The following NIN variants were observed in gnomAD, a reference collection of about 807,000 sequenced individuals.
NIN encodes the protein ninein, also known as glycogen synthase kinase 3 beta-interacting protein.
In NIN, 137 loss-of-function variants were observed where a neutral mutation model predicts 257.6. The ratio of observed to expected loss-of-function variants is 0.53; its 90% CI spans 0.46 to 0.61. The LOEUF (loss-of-function observed/expected upper bound fraction) is 0.61, where lower values mean the gene tolerates loss of function less well. Ranked by LOEUF, NIN falls within the 20% of genes least tolerant of loss-of-function variation. The probability of loss-of-function intolerance (pLI) is 0.00; values close to 1 mark genes in which losing one functional copy is unlikely to be tolerated. For missense variants in NIN, 2,439 were observed against 2,501.2 expected, an observed-to-expected ratio of 0.98 and a Z score of 0.53; for synonymous variants, 918 against 919.8, an observed-to-expected ratio of 1.00 and a Z score of 0.04.
rs2040294102 is a variant in NIN, at chr14:50,722,698, A to G, written c.*765T>C. 1 of 216,812 alleles carries G rather than the reference A, an allele frequency of 4.6e-6. No individual in the cohort carries two copies. Among genetic ancestry groups the G allele is most frequent in the African/African-American group, 2.2e-5 (1 of 44,488 alleles). The allele number at this position is 216,812 out of a possible 1,614,324, so 13.4% of individuals were successfully genotyped here. On this transcript the variant is annotated 3_prime_UTR_variant, in exon 31 of 31. Coordinates refer to ENST00000530997, the MANE Select transcript of NIN (RefSeq NM_020921.4). ...GTGGTTTGTTCAGTGCTTTCCCTAT[A>G]GTTCAACTGCTTTAATTATGTGGCT...
At chr14:50,792,633 A>T in intron 5 of NIN, 79 bp downstream of exon 5, 1 of 1,513,798 alleles carries the variant, frequency 6.6e-7, no homozygotes, top group Non-Finnish European at 9.1e-7. Flanking sequence ...CAACCCCCTC[A>T]GCTCCCCTGT....
At chr14:50,765,734 A>C (rs1257927761) in intron 14 of NIN, among the ~76,000 whole-genome samples, 1 of 150,986 alleles carries the variant, frequency 6.6e-6, no homozygotes, top group Non-Finnish European at 1.5e-5. Flanking sequence ...AAATGTATTC[A>C]GAAAAAAAAA....
intron 12 of NIN, among the ~76,000 whole-genome samples, chr14:50,769,106 C>T (rs1396617853): frequency 1.3e-5 from 2 of 152,170 alleles, no homozygotes; most frequent in African/African-American, 2.4e-5. Flanking sequence ...GAACCTTTTG[C>T]GATAGCAATA....
At chr14:50,810,378 C>G (rs550588201) in intron 3 of NIN, among the ~76,000 whole-genome samples, 1 of 152,200 alleles carries the variant, frequency 6.6e-6, no homozygotes, top group Non-Finnish European at 1.5e-5. Context: ...GCACTCCAAG[C>G]TAAAAGTACA....
At chr14:50,809,628 T>G (rs1256917259) in intron 3 of NIN, among the ~76,000 whole-genome samples, 1 of 152,204 alleles carries the variant, frequency 6.6e-6, no homozygotes, top group East Asian at 1.9e-4. Flanking sequence ...GAAATAACCT[T>G]CCTGAATTTG....
Position 50,722,275 on chromosome 14 carries a change from T to C in NIN, c.*1188A>G, listed in dbSNP as rs1013677737. ...TTGACCTCAGGTGGCATGCCAATGA[T>C]TATCACAGTAAGAAATTCTTAGAAT... On this transcript the variant is annotated 3_prime_UTR_variant, in exon 31 of 31. Transcript: ENST00000530997. 2 of 222,958 alleles carry C rather than the reference T, an allele frequency of 9.0e-6. No individual in the cohort carries two copies. Among genetic ancestry groups the C allele is most frequent in the Non-Finnish European group, 1.8e-5 (2 of 111,626 alleles). 13.8% of individuals were successfully genotyped at this position (222,958 alleles called of 1,614,324 possible).
intron 4 of NIN, among the ~76,000 whole-genome samples, chr14:50,797,338 T>C (rs1458462859): frequency 1.3e-5 from 2 of 152,212 alleles, no homozygotes; most frequent in Non-Finnish European, 2.9e-5. Flanking sequence ...ATTGCTCGCA[T>C]AGGACTTTGC....
In NIN at chr14:50,766,364, G is replaced by T; in HGVS notation, c.1578C>A (p.Phe526Leu). Residue 526 changes from phenylalanine to leucine, a missense_variant, in exon 14 of 31, where the codon TTC (phenylalanine) becomes TTA (leucine). Coordinates refer to ENST00000530997, the MANE Select transcript of NIN (RefSeq NM_020921.4). Reference sequence around the variant, plus strand: ...GTGTCAGTCTCTCTTCTTGCAGGAAGAACTCAGCACTGCTAGGATCGAGGT... The same window carrying T: ...GTGTCAGTCTCTCTTCTTGCAGGAATAACTCAGCACTGCTAGGATCGAGGT... ...FGDLDPSSAEFFLQEERLTQM... is the reference protein window; with the variant it reads ...FGDLDPSSAELFLQEERLTQM... The T allele has an allele frequency of 1.9e-6, 3 of 1,614,130 alleles. No individual in the cohort carries two copies. Among genetic ancestry groups the T allele is most frequent in the Non-Finnish European group, 2.5e-6 (3 of 1,180,004 alleles).
intron 29 of NIN, chr14:50,726,277 T>C: frequency 2.1e-6 from 1 of 483,952 alleles, no homozygotes. Flanking sequence ...GACTGAAAAA[T>C]CAAAAGAATC....
At chr14:50,740,763 T>C (rs2041246957) in intron 25 of NIN, among the ~76,000 whole-genome samples, 1 of 152,230 alleles carries the variant, frequency 6.6e-6, no homozygotes, top group Non-Finnish European at 1.5e-5. Flanking sequence ...ATTACAGGCA[T>C]GAGCCACCAC....
chr14:50,759,442 A>C (rs1010521218), intron 17 of NIN, among the ~76,000 whole-genome samples: 3 of 152,228 alleles, frequency 2.0e-5, no homozygotes, highest in African/African-American at 7.2e-5. Context: ...GAGTCTACTC[A>C]ATCAATGGGC....
intron 27 of NIN, 62 bp downstream of exon 27, chr14:50,738,078 C>T (rs2041086620): frequency 6.6e-7 from 1 of 1,526,206 alleles, no homozygotes. Flanking sequence ...TGAGAAGAAA[C>T]ACACTTAAGA....
rs1470624113 is a variant in NIN at position 50,822,018 on chromosome 14, G to C, written c.39C>G (p.Leu13=). The C allele has an allele frequency of 6.2e-7, 1 of 1,613,942 alleles. No homozygotes were observed. Among genetic ancestry groups the C allele is most frequent in the Non-Finnish European group, 8.5e-7 (1 of 1,179,984 alleles). Residue 13 remains leucine (L), a synonymous_variant, in exon 3 of 31, where the codon CTC becomes CTG. Transcript: ENST00000530997. ...TGTCAAAACTGTCAAACAGCTCCTTGAGTCGGGCCTCATGCTGGTCCTGCT... is the reference window on the plus strand; with the variant it reads ...TGTCAAAACTGTCAAACAGCTCCTTCAGTCGGGCCTCATGCTGGTCCTGCT... The part of the protein sequence containing the change: ...EVEQDQHEAR[L]KELFDSFDTT...
intron 5 of NIN, among the ~76,000 whole-genome samples, chr14:50,789,615 T>C (rs768658536): frequency 6.6e-6 from 1 of 152,142 alleles, no homozygotes; most frequent in Non-Finnish European, 1.5e-5. Context: ...AAACAAGATC[T>C]GTCAGATTCA....
intron 28 of NIN, among the ~76,000 whole-genome samples, chr14:50,734,384 G>A (rs1022146298): frequency 1.3e-5 from 2 of 152,058 alleles, no homozygotes; most frequent in Non-Finnish European, 2.9e-5. Flanking sequence ...AAGCCACTGC[G>A]CCCGGCCCCA....
In NIN at chr14:50,719,956, T is replaced by G. The variant is rs930481593; in HGVS notation, c.*3507A>C. ...ATCTGAACAGAAACATAGAGATGGC[T>G]TTAGATAATCTGTTTTTCCTTCACA... On this transcript the variant is annotated 3_prime_UTR_variant, in exon 31 of 31. Coordinates refer to ENST00000530997, the MANE Select transcript of NIN (RefSeq NM_020921.4). 9.3e-6 allele frequency: 2 copies of G among 215,136 alleles called. No homozygotes were observed. The highest frequency in any genetic ancestry group is 1.9e-5 in the Non-Finnish European group (2 of 106,422). The allele number at this position is 215,136 out of a possible 1,614,324, so 13.3% of individuals were successfully genotyped here. A position where few individuals can be genotyped will look rare whatever the true frequency, so the allele number is the denominator to read the frequency against.
At chr14:50,739,570 T>G in intron 25 of NIN, 83 bp from the exon 26 acceptor site, 1 of 1,263,314 alleles carries the variant, frequency 7.9e-7, no homozygotes, top group Non-Finnish European at 1.1e-6. Flanking sequence ...GTTTACCCAA[T>G]GACAACGACT....
chr14:50,756,475 G>T lies in NIN; in HGVS notation c.4538+17C>A. 6.4e-7 allele frequency: 1 copy of T among 1,568,448 alleles called. No homozygotes were observed. ...TGCTCTGTGGGATTCGTGACGTCTA[G>T]AAGGTACATACATTACCTCAGAAGT... On this transcript the variant is annotated intron_variant, in intron 18 of 30. Coordinates refer to ENST00000530997, the MANE Select transcript of NIN (RefSeq NM_020921.4).
intron 5 of NIN, among the ~76,000 whole-genome samples, chr14:50,791,212 G>A (rs1212575503): frequency 5.9e-5 from 9 of 152,036 alleles, no homozygotes; most frequent in Non-Finnish European, 8.8e-5. Flanking sequence ...AAACTATTAC[G>A]AACACTGTAC....
Sources: allele counts gnomAD v4.1 joint callset (sites outside exome capture counted in the v4.1 genomes callset), GRCh38; gene constraint gnomAD v4.1.1; transcripts MANE v1.5; gene names NCBI Gene and HGNC (gene_info 2026-07-23, HGNC 2026-07-21).